Variants in VIT observed in about 807,000 individuals in gnomAD.
VIT encodes vitrin.
Under a neutral mutation model 78.0 loss-of-function variants are expected in VIT, and 99 were observed. The observed-to-expected ratio is 1.27, with a 90% CI of 1.08 to 1.50. The LOEUF is 1.50. Ranked by LOEUF, VIT falls within the 40% of genes most tolerant of loss-of-function variation. VIT has a pLI of 0.00. For missense variants in VIT, 1,126 were observed against 875.3 expected, an observed-to-expected ratio of 1.29 and a Z score of -3.61; for synonymous variants, 374 against 334.3, an observed-to-expected ratio of 1.12 and a Z score of -1.29.
intron 9 of VIT, among the ~76,000 whole-genome samples, chr2:36,777,004 GCA>G (rs1670105061): frequency 6.7e-6 from 1 of 148,652 alleles, no homozygotes; most frequent in Non-Finnish European, 1.5e-5. Flanking sequence ...CAGGAGAATG[GCA>G]TGAACCCAGG....
At chr2:36,811,130 G>T (rs1667135507) in intron 15 of VIT, among the ~76,000 whole-genome samples, 1 of 152,170 alleles carries the variant, frequency 6.6e-6, no homozygotes, top group Admixed American at 6.5e-5. Flanking sequence ...CCTCATAATG[G>T]TGGGATGGCT....
intron 4 of VIT, among the ~76,000 whole-genome samples, chr2:36,745,287 C>T (rs959341612): frequency 6.6e-6 from 1 of 151,926 alleles, no homozygotes; most frequent in Non-Finnish European, 1.5e-5. Flanking sequence ...GTTTTTTTGG[C>T]TCTTCAGGCT....
chr2:36,796,498 G>C (rs983487034), intron 12 of VIT, among the ~76,000 whole-genome samples: 3 of 152,184 alleles, frequency 2.0e-5, no homozygotes, highest in Admixed American at 6.5e-5. Context: ...AGGGGAAAGA[G>C]ACAGGGAATC....
intron 4 of VIT, among the ~76,000 whole-genome samples, chr2:36,749,984 T>C (rs1558537708): frequency 6.6e-6 from 1 of 152,238 alleles, no homozygotes; most frequent in Non-Finnish European, 1.5e-5. Context: ...TTGGCTATAG[T>C]AATCTTTTCC....
chr2:36,808,502 C>A lies in VIT; in HGVS notation c.1420C>A (p.Leu474Ile), dbSNP rs1572581791. ...AVCRTNGFYS[L>I]HVQSWFGLHK... The stretch of plus-strand genomic sequence containing the variant: ...GTGCAGAACAAACGGCTTCTACTCG[C>A]TCCACGTGCAGAGCTGGTTTGGCCT... The change falls in exon 15 of 16, where the codon CTC (leucine) becomes ATC (isoleucine). Residue 474 changes from leucine to isoleucine, a missense_variant. Physicochemically the swap from Leu to Ile is conservative, Grantham distance 5. Transcript: ENST00000379242. 6.2e-7 allele frequency: 1 copy of A among 1,612,080 alleles called. No individual in the cohort carries two copies. Among genetic ancestry groups the A allele is most frequent in the Non-Finnish European group, 8.5e-7 (1 of 1,178,534 alleles).
At chr2:36,743,766 A>G (rs1667974608) in intron 4 of VIT, among the ~76,000 whole-genome samples, 2 of 151,972 alleles carry the variant, frequency 1.3e-5, no homozygotes, top group South Asian at 4.2e-4. Flanking sequence ...ACTACTTCAA[A>G]TTATCCCACA....
chr2:36,744,565 T>C (rs553067220), intron 4 of VIT, among the ~76,000 whole-genome samples: 1 of 152,224 alleles, frequency 6.6e-6, no homozygotes, highest in Non-Finnish European at 1.5e-5. Context: ...TGCATTTCTC[T>C]GATGATTAGT....
Position 36,767,085 on chromosome 2 carries a change from T to C in VIT, c.488-9T>C. On this transcript the variant is annotated splice_polypyrimidine_tract_variant and intron_variant, in intron 6 of 15. Transcript: ENST00000379242. Reference sequence around the variant, plus strand: ...TTGTGGGCCTTGGTATAATTCCATTTTCTTACAGGTGAGACCACAAAAGCC... The same window carrying C: ...TTGTGGGCCTTGGTATAATTCCATTCTCTTACAGGTGAGACCACAAAAGCC... 6.4e-7 allele frequency: 1 copy of C among 1,569,932 alleles called. No homozygotes were observed. Among genetic ancestry groups the C allele is most frequent in the Non-Finnish European group, 8.6e-7 (1 of 1,158,818 alleles).
chr2:36,708,190 G>A (rs1260863101), intron 1 of VIT, among the ~76,000 whole-genome samples: 1 of 151,576 alleles, frequency 6.6e-6, no homozygotes, highest in Non-Finnish European at 1.5e-5. Context: ...AGCGGAGGAG[G>A]CTTTACGGTC....
chr2:36,752,927 A>C (rs1485886338), intron 4 of VIT, among the ~76,000 whole-genome samples: 1 of 152,262 alleles, frequency 6.6e-6, no homozygotes, highest in African/African-American at 2.4e-5. Flanking sequence ...TTGCAGCACT[A>C]TTCACAATAG....
rs577542243 is a variant in VIT, at chr2:36,757,625, T to G, written c.410-1344T>G. Among the ~76,000 whole-genome samples, 6 of 152,354 alleles carry G rather than the reference T, an allele frequency of 3.9e-5. No individual in the cohort carries two copies. The East Asian group carries it at 1.2e-3, about 29-fold the overall frequency. The stretch of plus-strand genomic sequence containing the variant: ...TTGACATTGGTGGAGGACTTGGAAA[T>G]GCCAGTCCTGTTCCCCAGGTGATTC... On this transcript the variant is annotated intron_variant, in intron 5 of 15. Transcript: ENST00000379242.
chr2:36,790,439 C>T (rs185770719), intron 12 of VIT, among the ~76,000 whole-genome samples: 22 of 152,294 alleles, frequency 1.4e-4, no homozygotes, highest in Admixed American at 3.9e-4. Flanking sequence ...CTGGGCCCAA[C>T]AGAAGTTTTA....
chr2:36,758,866 C>T, intron 5 of VIT, 103 bp from the exon 6 acceptor site: 2 of 1,001,086 alleles, frequency 2.0e-6, no homozygotes, highest in East Asian at 4.8e-5. Flanking sequence ...TTTTATTGAA[C>T]TGAAGAGAGA....
intron 3 of VIT, among the ~76,000 whole-genome samples, chr2:36,737,975 A>C (rs1667608757): frequency 6.6e-6 from 1 of 152,230 alleles, no homozygotes; most frequent in Admixed American, 6.5e-5. Flanking sequence ...ACAGATTTTC[A>C]GTTGAGTAGA....
rs1241128079 is a variant in VIT, at chr2:36,808,727, A to T, written c.1645A>T (p.Ile549Phe). The change falls in exon 15 of 16, where the codon ATC (isoleucine) becomes TTC (phenylalanine). Residue 549 changes from isoleucine to phenylalanine, a missense_variant. Physicochemically the swap from Ile to Phe is conservative, Grantham distance 21. Transcript: ENST00000379242. ...TGAGATTTCCGACACGGACACGCGC[A>T]TCGGGGCCGTGCAGTACACCTACGA... ...EFEISDTDTRIGAVQYTYEQR... is the reference protein window; with the variant it reads ...EFEISDTDTRFGAVQYTYEQR... 2 of 1,614,228 alleles carry T rather than the reference A, an allele frequency of 1.2e-6. No homozygotes were observed. The highest frequency in any genetic ancestry group is 1.3e-5 in the African/African-American group (1 of 75,056).
At chr2:36,716,076 TAG>T (rs967371986) in intron 1 of VIT, among the ~76,000 whole-genome samples, 2 of 152,212 alleles carry the variant, frequency 1.3e-5, no homozygotes, top group East Asian at 1.9e-4. Flanking sequence ...CTCAAAATTG[TAG>T]AGTTATTTCC....
chr2:36,775,319 A>G (rs1384104157), intron 9 of VIT, among the ~76,000 whole-genome samples: 1 of 152,170 alleles, frequency 6.6e-6, no homozygotes, highest in East Asian at 1.9e-4. Flanking sequence ...ATGTCTCCTC[A>G]AGAGGTTCCC....
chr2:36,716,467 CCTAAGATCCAAAGAA>C, intron 2 of VIT, 45 bp downstream of exon 2: 1 of 1,590,102 alleles, frequency 6.3e-7, no homozygotes, highest in Non-Finnish European at 8.6e-7. Context: ...TTAAAATTTT[CCTAAGATCCAAAGAA>C]TCTAGCCAAG....
At chr2:36,785,965 C>T (rs1050475072) in intron 11 of VIT, among the ~76,000 whole-genome samples, 8 of 152,314 alleles carry the variant, frequency 5.3e-5, no homozygotes, top group African/African-American at 1.9e-4. Context: ...CCAGCAACAA[C>T]CCTCTCCACC....
Sources: gnomAD v4.1 joint callset for allele counts (sites outside exome capture counted in the v4.1 genomes callset) on GRCh38, gnomAD v4.1.1 for gene constraint, MANE v1.5 for transcripts, NCBI Gene and HGNC (gene_info 2026-07-23, HGNC 2026-07-21) for gene names.